Variants in NOTO observed in about 807,000 individuals in gnomAD.
NOTO encodes the protein notochord homeobox.
In NOTO, 19 loss-of-function variants were observed where a neutral mutation model predicts 20.5. The observed-to-expected ratio is 0.93, with a 90% CI of 0.65 to 1.36. NOTO has a LOEUF of 1.36. Ranked by LOEUF, NOTO falls within the 40% of genes most tolerant of loss-of-function variation. The probability of loss-of-function intolerance (pLI) is 0.00; values close to 1 mark genes in which losing one functional copy is unlikely to be tolerated. For missense variants in NOTO, 369 were observed against 336.2 expected (o/e 1.10, Z -0.76); for synonymous variants, 150 against 150.2 (o/e 1.00, Z 0.01).
At position 73,210,943 on chromosome 2, in the gene NOTO, G is replaced by A. The variant is rs1224203053; in HGVS notation, c.*14G>A. 15 of 1,544,162 alleles carry A rather than the reference G, an allele frequency of 9.7e-6. No homozygotes were observed. The highest frequency in any genetic ancestry group is 1.1e-5 in the Non-Finnish European group (13 of 1,141,760). On this transcript the variant is annotated 3_prime_UTR_variant, in exon 3 of 3. Coordinates refer to ENST00000398468, the MANE Select transcript of NOTO (RefSeq NM_001134462.2). The stretch of plus-strand genomic sequence containing the variant: ...GTGGACGGCTGAAGACTGGGACAGA[G>A]GCCCTAGCCAGGCTGCCTGGACTAG...
chr2:73,210,763 A>G lies in NOTO; in HGVS notation c.598-8A>G. Reference sequence around the variant, plus strand: ...ACATTCTGATCTCTGCCCACTCTCCAATTATAGGTGAGAGTCTGGTTCCAG... The same window carrying G: ...ACATTCTGATCTCTGCCCACTCTCCGATTATAGGTGAGAGTCTGGTTCCAG... On this transcript the variant is annotated splice_region_variant and splice_polypyrimidine_tract_variant and intron_variant, in intron 2 of 2. Coordinates refer to ENST00000398468, the MANE Select transcript of NOTO (RefSeq NM_001134462.2). 6.5e-7 allele frequency: 1 copy of G among 1,545,792 alleles called. No individual in the cohort carries two copies. The highest frequency in any genetic ancestry group is 8.7e-7 in the Non-Finnish European group (1 of 1,143,376).
chr2:73,212,511 C>T lies in NOTO; in HGVS notation c.*1582C>T, dbSNP rs1686199341. 6.6e-6 allele frequency: 1 copy of T among 152,274 alleles called. No individual in the cohort carries two copies. Among genetic ancestry groups the T allele is most frequent in the Non-Finnish European group, 1.5e-5 (1 of 68,058 alleles). 9.4% of individuals were successfully genotyped at this position (152,274 alleles called of 1,614,324 possible). A position where few individuals can be genotyped will look rare whatever the true frequency, so the allele number is the denominator to read the frequency against. ...GTTATAATTTCCCCCTTTCATGACTCTGACTCATGGCTCCTTTTTCTTCTC... is the reference window on the plus strand; with the variant it reads ...GTTATAATTTCCCCCTTTCATGACTTTGACTCATGGCTCCTTTTTCTTCTC... On this transcript the variant is annotated 3_prime_UTR_variant, in exon 3 of 3. Coordinates refer to ENST00000398468, the MANE Select transcript of NOTO (RefSeq NM_001134462.2).
At chr2:73,203,167 G>A in intron 1 of NOTO, 119 bp downstream of exon 1, 1 of 886,274 alleles carries the variant, frequency 1.1e-6, no homozygotes, top group South Asian at 2.9e-5. Context: ...CACACGGCTG[G>A]AGTGGGAAGG....
At chr2:73,208,914 C>T (rs572708981) in intron 2 of NOTO, among the ~76,000 whole-genome samples, 9 of 152,160 alleles carry the variant, frequency 5.9e-5, no homozygotes, top group African/African-American at 2.2e-4. Context: ...TGGCCAGGTG[C>T]GGTGGCTCAC....
chr2:73,204,741 G>GTC (rs1357856523), intron 1 of NOTO, among the ~76,000 whole-genome samples: 1 of 152,086 alleles, frequency 6.6e-6, no homozygotes, highest in Non-Finnish European at 1.5e-5. Flanking sequence ...GTCTCACTCT[G>GTC]TCTCCCAGGC....
Position 73,202,907 on chromosome 2 carries a change from G to A in NOTO, c.241G>A (p.Ala81Thr). Residue 81 changes from alanine (A) to threonine (T), a missense_variant, in exon 1 of 3, where the codon GCT (alanine) becomes ACT (threonine). Ala to Thr is a moderately conservative substitution (Grantham distance 58, BLOSUM62 0). Coordinates refer to ENST00000398468, the MANE Select transcript of NOTO (RefSeq NM_001134462.2). ...SACVHPAFWT[A>T]ASLCATGGLP... ...CTGCGTCCACCCGGCCTTCTGGACC[G>A]CTGCTTCCCTGTGCGCCACCGGGGG... 6.5e-7 allele frequency: 1 copy of A among 1,526,830 alleles called. No individual in the cohort carries two copies. Among genetic ancestry groups the A allele is most frequent in the Non-Finnish European group, 8.8e-7 (1 of 1,141,642 alleles). 94.6% of individuals were successfully genotyped at this position (1,526,830 alleles called of 1,614,324 possible).
At chr2:73,209,360 C>T (rs1686136192) in intron 2 of NOTO, among the ~76,000 whole-genome samples, 1 of 152,270 alleles carries the variant, frequency 6.6e-6, no homozygotes. Context: ...CTCCCACTCA[C>T]TGCTTCACAC....
rs1293146489 is a variant in NOTO at position 73,210,805 on chromosome 2, A to G, written c.632A>G (p.Tyr211Cys). 1.3e-6 allele frequency: 2 copies of G among 1,551,642 alleles called. No individual in the cohort carries two copies. Among genetic ancestry groups the G allele is most frequent in the East Asian group, 2.4e-5 (1 of 40,916 alleles). ...RVWFQNRRVK[Y>C]QKQQKLRAAV... ...TGGTTCCAGAACCGCAGGGTCAAGT[A>G]TCAGAAGCAGCAAAAGCTGAGGGCA... is the stretch of plus-strand genomic sequence containing the variant. The change falls in exon 3 of 3, where the codon TAT becomes TGT. Residue 211 changes from tyrosine to cysteine, a missense_variant. Transcript: ENST00000398468.
rs1686019375 is a variant in NOTO at position 73,202,664 on chromosome 2, G to C, written c.-3G>C. 2 of 1,456,616 alleles carry C rather than the reference G, an allele frequency of 1.4e-6. No homozygotes were observed. Among genetic ancestry groups the C allele is most frequent in the African/African-American group, 1.5e-5 (1 of 67,032 alleles). 90.2% of individuals were successfully genotyped at this position (1,456,616 alleles called of 1,614,324 possible). On this transcript the variant is annotated 5_prime_UTR_variant, in exon 1 of 3. Coordinates refer to ENST00000398468, the MANE Select transcript of NOTO (RefSeq NM_001134462.2). ...TTGCGTCCGTCCGGGCAACGGCCGCGTCATGCCTAGCCCCAGGCCGCGAGG... is the reference window on the plus strand; with the variant it reads ...TTGCGTCCGTCCGGGCAACGGCCGCCTCATGCCTAGCCCCAGGCCGCGAGG...
Position 73,211,460 on chromosome 2 carries a change from C to T in NOTO, c.*531C>T, listed in dbSNP as rs898133251. ...GATCTACCTGCAGGTAGTGTCTGAC[C>T]CCACAGATTCAGGGCTCATTCCACA... On this transcript the variant is annotated 3_prime_UTR_variant, in exon 3 of 3. Transcript: ENST00000398468. 3.9e-5 allele frequency: 6 copies of T among 152,208 alleles called. No individual in the cohort carries two copies. The highest frequency in any genetic ancestry group is 1.2e-4 in the African/African-American group (5 of 41,428). The allele number at this position is 152,208 out of a possible 1,614,324, so 9.4% of individuals were successfully genotyped here.
intron 2 of NOTO, 99 bp from the exon 3 acceptor site, chr2:73,210,672 C>T (rs543672530): frequency 2.0e-6 from 2 of 1,007,016 alleles, no homozygotes; most frequent in South Asian, 3.5e-5. Flanking sequence ...GAAGGAAGAG[C>T]AAATATTGGC....
intron 2 of NOTO, 140 bp downstream of exon 2, chr2:73,208,754 T>C: frequency 1.6e-6 from 1 of 620,168 alleles, no homozygotes; most frequent in Non-Finnish European, 2.8e-6. Flanking sequence ...CCCTGACTTT[T>C]TGCACACTCT....
intron 2 of NOTO, among the ~76,000 whole-genome samples, chr2:73,210,368 T>C (rs1257083165): frequency 6.6e-6 from 1 of 150,704 alleles, no homozygotes; most frequent in Non-Finnish European, 1.5e-5. Flanking sequence ...CCTCTCTCTC[T>C]TTGAGCCTCA....
rs544502116 is a variant in NOTO at position 73,205,062 on chromosome 2, A to G, written c.382+2014A>G. 3.5e-4 allele frequency among the ~76,000 whole-genome samples: 53 copies of G among 151,994 alleles called. 1 individual carries two copies. The Middle Eastern group carries it at 0.02, about 59-fold the overall frequency. Reference sequence around the variant, plus strand: ...CACCTGGCTAATTTTTTGTATTTTTAGTAGAGACGGGGTTTCACCATGTTA... The same window carrying G: ...CACCTGGCTAATTTTTTGTATTTTTGGTAGAGACGGGGTTTCACCATGTTA... On this transcript the variant is annotated intron_variant, in intron 1 of 2. Coordinates refer to ENST00000398468, the MANE Select transcript of NOTO (RefSeq NM_001134462.2).
chr2:73,207,461 G>T (rs1363713579), intron 1 of NOTO, among the ~76,000 whole-genome samples: 4 of 152,188 alleles, frequency 2.6e-5, no homozygotes, highest in Non-Finnish European at 2.9e-5. Context: ...TTTGACTTAG[G>T]AACTGCTCTT....
intron 1 of NOTO, among the ~76,000 whole-genome samples, 171 bp from the exon 2 acceptor site, chr2:73,208,229 T>C (rs746129738): frequency 3.7e-4 from 57 of 152,252 alleles, no homozygotes; most frequent in Non-Finnish European, 6.8e-4. Flanking sequence ...TTTCCTGTTA[T>C]TTCTGCACAG....
In NOTO at chr2:73,208,392, C is replaced by T. The variant is rs1167158548; in HGVS notation, c.383-8C>T. 7 of 1,547,602 alleles carry T rather than the reference C, an allele frequency of 4.5e-6. No homozygotes were observed. In the East Asian group the frequency reaches 1.7e-4, roughly 38 times the overall value. ...GGATAACCTCCCCTGCTGCTGGTTGCTCTTTAGGGTTGGAGCTGGCTCACT... is the reference window on the plus strand; with the variant it reads ...GGATAACCTCCCCTGCTGCTGGTTGTTCTTTAGGGTTGGAGCTGGCTCACT... On this transcript the variant is annotated splice_region_variant and splice_polypyrimidine_tract_variant and intron_variant, in intron 1 of 2. Coordinates refer to ENST00000398468, the MANE Select transcript of NOTO (RefSeq NM_001134462.2).
At chr2:73,206,787 CTTTTTTT>C (rs969908382) in intron 1 of NOTO, among the ~76,000 whole-genome samples, 1 of 89,964 alleles carries the variant, frequency 1.1e-5, no homozygotes, top group African/African-American at 4.8e-5. Context: ...CCAACTAGAG[CTTTTTTT>C]TTTTTTTTTT....
chr2:73,207,317 T>A (rs994120282), intron 1 of NOTO, among the ~76,000 whole-genome samples: 1 of 152,138 alleles, frequency 6.6e-6, no homozygotes, highest in South Asian at 2.1e-4. Flanking sequence ...GTTGGGGCAG[T>A]CTGTCTGCCA....
Sources: gnomAD v4.1 joint callset for allele counts (sites outside exome capture counted in the v4.1 genomes callset) on GRCh38, gnomAD v4.1.1 for gene constraint, MANE v1.5 for transcripts, NCBI Gene and HGNC (gene_info 2026-07-23, HGNC 2026-07-21) for gene names.